DLGAP2: variants seen among roughly 807,000 people sequenced by gnomAD.
DLGAP2 encodes the protein DLG associated protein 2.
Under a neutral mutation model 100.3 loss-of-function variants are expected in DLGAP2, and 26 were observed. The observed-to-expected ratio is 0.26, with a 90% CI of 0.19 to 0.36. The LOEUF is 0.36. Ranked by LOEUF, DLGAP2 falls within the 10% of genes least tolerant of loss-of-function variation. DLGAP2 has a pLI of 1.00. For missense variants in DLGAP2, 1,858 were observed against 1,453.2 expected (o/e 1.28, Z -4.53); for synonymous variants, 886 against 630.1 (o/e 1.41, Z -6.08).
intron 1 of DLGAP2, among the ~76,000 whole-genome samples, chr8:815,374 G>T (rs1327024122): frequency 6.6e-6 from 1 of 152,190 alleles, no homozygotes; most frequent in African/African-American, 2.4e-5. Flanking sequence ...TGGAGGCTTT[G>T]CCCTCATGAC....
At chr8:1,021,786 G>A (rs1729271959) in intron 2 of DLGAP2, among the ~76,000 whole-genome samples, 1 of 152,158 alleles carries the variant, frequency 6.6e-6, no homozygotes, top group Non-Finnish European at 1.5e-5. Flanking sequence ...CCCAGATGCT[G>A]TGGGGTTGGA....
chr8:854,513 G>C (rs1176554833), intron 1 of DLGAP2, among the ~76,000 whole-genome samples: 1 of 152,086 alleles, frequency 6.6e-6, no homozygotes, highest in Non-Finnish European at 1.5e-5. Context: ...GTGAGAGTGA[G>C]AGAGTGGGTG....
chr8:1,359,622 T>A (rs1326358697), intron 3 of DLGAP2, among the ~76,000 whole-genome samples: 1 of 152,208 alleles, frequency 6.6e-6, no homozygotes, highest in African/African-American at 2.4e-5. Flanking sequence ...GCTGATGCTG[T>A]CGGCGGCTGT....
chr8:1,647,904 T>C (rs1798078809), intron 8 of DLGAP2, among the ~76,000 whole-genome samples: 1 of 152,030 alleles, frequency 6.6e-6, no homozygotes, highest in African/African-American at 2.4e-5. Context: ...CCTCACATGG[T>C]GGAAAAAGCG....
chr8:1,386,650 A>G (rs1796227082), intron 3 of DLGAP2, among the ~76,000 whole-genome samples: 1 of 152,124 alleles, frequency 6.6e-6, no homozygotes, highest in Non-Finnish European at 1.5e-5. Flanking sequence ...CAGAAACGAG[A>G]GAAGAAACCT....
intron 2 of DLGAP2, among the ~76,000 whole-genome samples, chr8:1,008,862 C>T (rs1432406995): frequency 3.9e-5 from 6 of 152,248 alleles, no homozygotes; most frequent in Admixed American, 3.3e-4. Flanking sequence ...TCCGCCCAGG[C>T]AGCTCCGAAC....
At chr8:1,464,503 G>A (rs1402066296) in intron 3 of DLGAP2, among the ~76,000 whole-genome samples, 1 of 148,138 alleles carries the variant, frequency 6.8e-6, no homozygotes, top group Non-Finnish European at 1.5e-5. Context: ...TCCCTTCCAG[G>A]ACGGCACCCT....
At chr8:797,999 C>T (rs766358759) in intron 1 of DLGAP2, among the ~76,000 whole-genome samples, 1 of 152,134 alleles carries the variant, frequency 6.6e-6, no homozygotes, top group Admixed American at 6.6e-5. Flanking sequence ...ATACGCCCAC[C>T]TCGGCCTCCC....
chr8:1,582,918 C>T (rs951380776), intron 6 of DLGAP2, among the ~76,000 whole-genome samples: 1 of 152,028 alleles, frequency 6.6e-6, no homozygotes, highest in Non-Finnish European at 1.5e-5. Context: ...CTTAGAACTG[C>T]AGTGAGAGGG....
At chr8:1,638,024 C>T (rs574916302) in intron 8 of DLGAP2, among the ~76,000 whole-genome samples, 10 of 152,272 alleles carry the variant, frequency 6.6e-5, no homozygotes, top group Admixed American at 2.6e-4. Flanking sequence ...CTCTGGGATT[C>T]GCAGGGCACC....
At chr8:1,664,576 C>T (rs1053750972) in intron 8 of DLGAP2, among the ~76,000 whole-genome samples, 6 of 152,186 alleles carry the variant, frequency 3.9e-5, no homozygotes, top group Non-Finnish European at 8.8e-5. Flanking sequence ...AGGCACTTTA[C>T]GTCGGTGCCC....
intron 2 of DLGAP2, among the ~76,000 whole-genome samples, chr8:1,212,255 C>G (rs1798121155): frequency 6.6e-6 from 1 of 152,156 alleles, no homozygotes; most frequent in Non-Finnish European, 1.5e-5. Flanking sequence ...TGGAATCTCA[C>G]CAGGGAAAGA....
At chr8:776,544 T>C (rs554231469) in intron 1 of DLGAP2, among the ~76,000 whole-genome samples, 74 of 152,350 alleles carry the variant, frequency 4.9e-4, no homozygotes, top group African/African-American at 1.7e-3. Context: ...GATTCTGGTA[T>C]GTTTTGTCTT....
chr8:1,157,249 C>G (rs191318928), intron 2 of DLGAP2, among the ~76,000 whole-genome samples: 34 of 152,252 alleles, frequency 2.2e-4, no homozygotes, highest in African/African-American at 7.7e-4. Flanking sequence ...ATTCCCCAGA[C>G]ACGCTGGAGG....
chr8:1,188,029 C>T lies in DLGAP2; in HGVS notation c.74-70822C>T, dbSNP rs1483285434. ...CGGAATCTCACACGCCCGGGACTTCCGTGATGTTTCCCTCACGGAATCTCA... is the reference window on the plus strand; with the variant it reads ...CGGAATCTCACACGCCCGGGACTTCTGTGATGTTTCCCTCACGGAATCTCA... On this transcript the variant is annotated intron_variant, in intron 2 of 14. Transcript: ENST00000637795. Among the ~76,000 whole-genome samples, 33 of 114,580 alleles carry T rather than the reference C, an allele frequency of 2.9e-4. 2 individuals are homozygous for T. The highest frequency in any genetic ancestry group is 1.0e-3 in the Admixed American group (13 of 12,606). The allele number at this position is 114,580 out of a possible 152,430, so 75.2% of individuals were successfully genotyped here.
intron 2 of DLGAP2, among the ~76,000 whole-genome samples, chr8:1,151,838 T>C (rs1012816097): frequency 1.3e-5 from 2 of 152,248 alleles, no homozygotes; most frequent in African/African-American, 4.8e-5. Flanking sequence ...TCTTTGGCTT[T>C]CTTTCTGGTT....
intron 3 of DLGAP2, among the ~76,000 whole-genome samples, chr8:1,410,025 C>T (rs958448843): frequency 6.6e-6 from 1 of 152,184 alleles, no homozygotes; most frequent in African/African-American, 2.4e-5. Flanking sequence ...CTGACCGATA[C>T]GTGCTGCAGG....
At chr8:941,659 A>G (rs1799199064) in intron 2 of DLGAP2, among the ~76,000 whole-genome samples, 1 of 152,182 alleles carries the variant, frequency 6.6e-6, no homozygotes, top group Non-Finnish European at 1.5e-5. Flanking sequence ...GCCACAGCGA[A>G]AAGCCATGGT....
At chr8:1,502,887 A>T (rs1799771359) in intron 4 of DLGAP2, among the ~76,000 whole-genome samples, 1 of 152,144 alleles carries the variant, frequency 6.6e-6, no homozygotes, top group African/African-American at 2.4e-5. Flanking sequence ...AGCAGGAGGT[A>T]CCTGGGGTGG....
Sources: gnomAD v4.1 joint callset for allele counts (sites outside exome capture counted in the v4.1 genomes callset) on GRCh38, gnomAD v4.1.1 for gene constraint, MANE v1.5 for transcripts, NCBI Gene and HGNC (gene_info 2026-07-23, HGNC 2026-07-21) for gene names.